NCAPH2: variants seen among roughly 807,000 people sequenced by gnomAD.
The protein encoded by NCAPH2 is non-SMC condensin II complex subunit H2, also known as condensin-2 complex subunit H2.
In NCAPH2, 56 loss-of-function variants were observed where a neutral mutation model predicts 88.6. The ratio of observed to expected loss-of-function variants is 0.63; its 90% CI spans 0.51 to 0.79. NCAPH2 has a LOEUF of 0.79. Among genes scored for constraint, NCAPH2 ranks in the 30% least tolerant of loss-of-function variants. The pLI, the probability that NCAPH2 is intolerant of heterozygous loss-of-function variation, is 0.00. For missense variants in NCAPH2, 794 were observed against 792.0 expected (o/e 1.00, Z -0.03); for synonymous variants, 378 against 313.6 (o/e 1.21, Z -2.17).
intron 1 of NCAPH2, among the ~76,000 whole-genome samples, chr22:50,514,187 G>T (rs549408043): frequency 6.6e-6 from 1 of 152,164 alleles, no homozygotes; most frequent in Non-Finnish European, 1.5e-5. Flanking sequence ...GGAGAGGGAG[G>T]CTGGCCAGCA....
intron 5 of NCAPH2, 74 bp from the exon 6 acceptor site, chr22:50,517,899 A>G: frequency 1.2e-6 from 2 of 1,603,246 alleles, no homozygotes; most frequent in Non-Finnish European, 1.7e-6. Flanking sequence ...GGAAGGTGTC[A>G]TTGCCCCATG....
chr22:50,518,611 G>C, intron 7 of NCAPH2, 38 bp from the exon 8 acceptor site: 4 of 1,561,506 alleles, frequency 2.6e-6, no homozygotes, highest in Non-Finnish European at 3.5e-6. Flanking sequence ...TCTTGGAGAG[G>C]GGCTGGGCTG....
Position 50,523,896 on chromosome 22 carries a change from G to A in NCAPH2, c.*521G>A, listed in dbSNP as rs759399979. 4.0e-5 allele frequency: 64 copies of A among 1,613,820 alleles called. No homozygotes were observed. The East Asian group carries it at 4.2e-4, about 11-fold the overall frequency. On this transcript the variant is annotated 3_prime_UTR_variant, in exon 20 of 20. Coordinates refer to ENST00000420993, the MANE Select transcript of NCAPH2 (RefSeq NM_152299.4). ...CGTAGCGGGCCATGGCTTCAACGTC[G>A]TCCCGCTCGGGGTCCACAGTGATGA... is the stretch of plus-strand genomic sequence containing the variant.
rs1193624908 is a variant in NCAPH2, at chr22:50,523,578, C to T, written c.*203C>T. 1.2e-6 allele frequency: 2 copies of T among 1,606,632 alleles called. No individual in the cohort carries two copies. The highest frequency in any genetic ancestry group is 1.7e-6 in the Non-Finnish European group (2 of 1,175,540). On this transcript the variant is annotated 3_prime_UTR_variant, in exon 20 of 20. Coordinates refer to ENST00000420993, the MANE Select transcript of NCAPH2 (RefSeq NM_152299.4). ...ACACACACACACAGATTAAACGCAG[C>T]CCGTTTAATGATGGGGCCCAGACTG...
intron 1 of NCAPH2, among the ~76,000 whole-genome samples, chr22:50,512,777 C>G (rs553248889): frequency 6.6e-6 from 1 of 152,084 alleles, no homozygotes; most frequent in African/African-American, 2.4e-5. Context: ...AACTCCCAAG[C>G]TCAAGTGATC....
intron 17 of NCAPH2, 47 bp downstream of exon 17, chr22:50,522,767 G>T (rs774807304): frequency 1.9e-6 from 3 of 1,612,486 alleles, no homozygotes; most frequent in Admixed American, 3.3e-5. Context: ...GGACAGGTGA[G>T]CGGTGCCCAG....
At chr22:50,510,122 C>T (rs1007988608) in intron 1 of NCAPH2, among the ~76,000 whole-genome samples, 2 of 152,106 alleles carry the variant, frequency 1.3e-5, no homozygotes, top group Non-Finnish European at 2.9e-5. Context: ...AGGGTTTCAC[C>T]GTGTTAGCCA....
At position 50,515,807 on chromosome 22, in the gene NCAPH2, T is replaced by TTGAATGTA. The variant is rs778842340; in HGVS notation, c.109-639_109-632dup. The TTGAATGTA allele has an allele frequency of 2.5e-4, 330 of 1,297,310 alleles. No individual in the cohort carries two copies. The African/African-American group carries it at 4.6e-3, about 18-fold the overall frequency. The allele number at this position is 1,297,310 out of a possible 1,614,324, so 80.4% of individuals were successfully genotyped here. On this transcript the variant is annotated intron_variant, in intron 1 of 19. Coordinates refer to ENST00000420993, the MANE Select transcript of NCAPH2 (RefSeq NM_152299.4). The stretch of plus-strand genomic sequence containing the variant: ...ATGGAAGTAAAGTGTTTGGGGACAT[T>TTGAATGTA]TGAATGTACTCTGTGGACAGCTATG...
At chr22:50,508,486 T>TGGGGGGGGGGGGGCGGGGGGGG in intron 1 of NCAPH2, 41 bp downstream of exon 1, 1 of 131,976 alleles carries the variant, frequency 7.6e-6, no homozygotes, top group Non-Finnish European at 1.4e-5. Flanking sequence ...GGCCGGCGGG[T>TGGGGGGGGGGGGGCGGGGGGGG]GGGGCTGCGG....
intron 1 of NCAPH2, among the ~76,000 whole-genome samples, chr22:50,509,620 C>T (rs184435453): frequency 6.6e-6 from 1 of 152,320 alleles, no homozygotes; most frequent in African/African-American, 2.4e-5. Flanking sequence ...TTTGGGTTCC[C>T]TTATCCCTGT....
chr22:50,516,223 G>A (rs1296336602), intron 1 of NCAPH2, among the ~76,000 whole-genome samples: 1 of 152,146 alleles, frequency 6.6e-6, no homozygotes, highest in African/African-American at 2.4e-5. Flanking sequence ...TGCCCTGGGG[G>A]CCTTCCACTT....
In NCAPH2 at chr22:50,524,427, G is replaced by A; in HGVS notation, c.*1052G>A. The stretch of plus-strand genomic sequence containing the variant: ...GCAGCAGCATGGATCTGATGCTCCT[G>A]GAAACAAGCACAGGCGTCAGGAGCC... On this transcript the variant is annotated 3_prime_UTR_variant, in exon 20 of 20. Transcript: ENST00000420993. 6.2e-7 allele frequency: 1 copy of A among 1,609,672 alleles called. No individual in the cohort carries two copies.
chr22:50,521,686 G>T, intron 11 of NCAPH2, 55 bp from the exon 12 acceptor site: 1 of 1,611,232 alleles, frequency 6.2e-7, no homozygotes. Context: ...GGGTGGGAGT[G>T]GGCTTTGCAC....
At chr22:50,520,799 G>A (rs1004456584) in intron 9 of NCAPH2, 166 bp from the exon 10 acceptor site, 11 of 679,626 alleles carry the variant, frequency 1.6e-5, no homozygotes, top group Non-Finnish European at 2.2e-5. Context: ...TTGACCTCGG[G>A]TGATCTGCCC....
At chr22:50,517,510 G>A (rs764608213) in intron 3 of NCAPH2, 28 bp downstream of exon 3, 6 of 1,614,028 alleles carry the variant, frequency 3.7e-6, no homozygotes, top group South Asian at 2.2e-5. Context: ...TCACTGTGCT[G>A]CCCTGCATGT....
chr22:50,518,109 G>C, intron 6 of NCAPH2, 24 bp from the exon 7 acceptor site: 1 of 1,613,894 alleles, frequency 6.2e-7, no homozygotes, highest in Non-Finnish European at 8.5e-7. Flanking sequence ...GGTCTCTACA[G>C]CAGGCGTGTT....
At chr22:50,509,311 C>T (rs1373058184) in intron 1 of NCAPH2, among the ~76,000 whole-genome samples, 2 of 152,248 alleles carry the variant, frequency 1.3e-5, no homozygotes, top group East Asian at 1.9e-4. Flanking sequence ...CTTTACATAT[C>T]CAGCTGCTCT....
chr22:50,517,749 G>A lies in NCAPH2; in HGVS notation c.360G>A (p.Ser120=), dbSNP rs142921052. ...GCTCTGTCTCCCTCCAGTTCCTGTC[G>A]CTGGATGACTTCCCTGACTCCCGGA... ...VPQEAENEFL[S]LDDFPDSRTN... Residue 120 remains serine (S), a synonymous_variant, in exon 5 of 20, where the codon TCG becomes TCA. Coordinates refer to ENST00000420993, the MANE Select transcript of NCAPH2 (RefSeq NM_152299.4). 3.5e-5 allele frequency: 57 copies of A among 1,614,014 alleles called. No homozygotes were observed. The Middle Eastern group carries it at 4.9e-4, about 14-fold the overall frequency.
Position 50,524,443 on chromosome 22 carries a change from G to T in NCAPH2, c.*1068G>T. ...GATGCTCCTGGAAACAAGCACAGGC[G>T]TCAGGAGCCAGAAGGGAAGGCCCAG... On this transcript the variant is annotated 3_prime_UTR_variant, in exon 20 of 20. Coordinates refer to ENST00000420993, the MANE Select transcript of NCAPH2 (RefSeq NM_152299.4). 2 of 1,606,632 alleles carry T rather than the reference G, an allele frequency of 1.2e-6. No individual in the cohort carries two copies. The highest frequency in any genetic ancestry group is 1.1e-5 in the South Asian group (1 of 90,470).
Sources: allele counts gnomAD v4.1 joint callset (sites outside exome capture counted in the v4.1 genomes callset), GRCh38; gene constraint gnomAD v4.1.1; transcripts MANE v1.5; gene names NCBI Gene and HGNC (gene_info 2026-07-23, HGNC 2026-07-21).